The following ZSCAN30 variants were observed in gnomAD, a reference collection of about 807,000 sequenced individuals.
ZSCAN30 encodes the protein zinc finger and SCAN domain containing 30.
In ZSCAN30, 37 loss-of-function variants were observed where a neutral mutation model predicts 44.3. That is an observed-to-expected ratio of 0.84 (90% confidence interval 0.64 to 1.10). The LOEUF is 1.10. Among genes scored for constraint, ZSCAN30 ranks in the 50% least tolerant of loss-of-function variants. The pLI is 0.00. For synonymous variants in ZSCAN30, 181 were observed against 204.6 expected, an observed-to-expected ratio of 0.88 and a Z score of 0.98; for missense variants, 549 against 582.6, an observed-to-expected ratio of 0.94 and a Z score of 0.59.
rs2143672007 is a variant in ZSCAN30, at chr18:35,257,603, GAAGT to G, written c.554-3226_554-3223del. ...AACTTCTCAGCCTCCAGAACTGTGAGAAGTAAATCCGTGTTGTTTACAAGCCACT... is the reference window on the plus strand; with the variant it reads ...AACTTCTCAGCCTCCAGAACTGTGAGAAATCCGTGTTGTTTACAAGCCACT... On this transcript the variant is annotated intron_variant, in intron 3 of 3. Coordinates refer to ENST00000333206, the MANE Select transcript of ZSCAN30 (RefSeq NM_001112734.4). The G allele has an allele frequency of 1.2e-5, 4 of 344,620 alleles. No individual in the cohort carries two copies. In the South Asian group the frequency reaches 1.8e-4, roughly 16 times the overall value. 21.3% of individuals were successfully genotyped at this position (344,620 alleles called of 1,614,324 possible).
At chr18:35,270,584 TTTTA>T (rs1428647548) in intron 1 of ZSCAN30, among the ~76,000 whole-genome samples, 2 of 152,228 alleles carry the variant, frequency 1.3e-5, no homozygotes, top group East Asian at 1.9e-4. Context: ...ACATCCATTA[TTTTA>T]TTTATTTTTT....
intron 1 of ZSCAN30, among the ~76,000 whole-genome samples, chr18:35,286,146 C>G (rs977076228): frequency 1.4e-4 from 22 of 152,052 alleles, no homozygotes; most frequent in Non-Finnish European, 2.5e-4. Context: ...AAATATATAA[C>G]CTGAATAGCA....
intron 3 of ZSCAN30, 159 bp from the exon 4 acceptor site, chr18:35,254,540 G>T: frequency 7.1e-7 from 1 of 1,411,528 alleles, no homozygotes; most frequent in Non-Finnish European, 9.6e-7. Context: ...GTGGCCTGGG[G>T]TAGCCAAATA....
rs936216937 is a variant in ZSCAN30 at position 35,253,691 on chromosome 18, C to T, written c.1244G>A (p.Cys415Tyr). 2 of 1,614,036 alleles carry T rather than the reference C, an allele frequency of 1.2e-6. No homozygotes were observed. Among genetic ancestry groups the T allele is most frequent in the African/African-American group, 2.7e-5 (2 of 74,926 alleles). The change falls in exon 4 of 4, where the codon TGT becomes TAT. Residue 415 changes from cysteine (C) to tyrosine (Y), a missense_variant. By Grantham distance (194) the Cys-to-Tyr change is radical (BLOSUM62 -2). Coordinates refer to ENST00000333206, the MANE Select transcript of ZSCAN30 (RefSeq NM_001112734.4). Reference protein sequence around the residue: ...KIHTGDKSYECIACGKAFGRS... With the variant: ...KIHTGDKSYEYIACGKAFGRS... The stretch of plus-strand genomic sequence containing the variant: ...ACCAAAAGCCTTACCACATGCAATA[C>T]ATTCATAGCTTTTATCTCCAGTGTG...
chr18:35,271,256 AGCTGATTGGTCCGTTTTATAGAGT>A (rs1443588324), intron 1 of ZSCAN30, among the ~76,000 whole-genome samples: 1 of 152,120 alleles, frequency 6.6e-6, no homozygotes, highest in African/African-American at 2.4e-5. Context: ...TTTTACAGAG[AGCTGATTGGTCCGTTTTATAGAGT>A]GCTGATTGGT....
In ZSCAN30 at chr18:35,253,733, A is replaced by G. The variant is rs772453484; in HGVS notation, c.1202T>C (p.Ile401Thr). ...TCCAGTGTGAATTTTCTTATGCTGA[A>G]TAAGGGCTGAGCTCCGGCTGAAGGC... ...GKAFSRSSAL[I>T]QHKKIHTGDK... is the part of the protein sequence containing the mutation. Residue 401 changes from isoleucine (I) to threonine (T), a missense_variant, in exon 4 of 4, where the codon ATT becomes ACT. By Grantham distance (89) the Ile-to-Thr change is moderately conservative. Transcript: ENST00000333206. The G allele has an allele frequency of 1.9e-6, 3 of 1,614,148 alleles. No homozygotes were observed. The highest frequency in any genetic ancestry group is 4.5e-5 in the East Asian group (2 of 44,882).
chr18:35,286,754 C>T (rs2044559020), intron 1 of ZSCAN30, among the ~76,000 whole-genome samples: 1 of 152,128 alleles, frequency 6.6e-6, no homozygotes. Context: ...CCCCTTTCTT[C>T]ATTTCTACCG....
chr18:35,253,313 G>A lies in ZSCAN30; in HGVS notation c.*137C>T, dbSNP rs1166412384. ...CAATAATCATAACAAACATCTTTGT[G>A]TGCATGTCTTCTTATAGTACCGAAC... On this transcript the variant is annotated 3_prime_UTR_variant, in exon 4 of 4. Coordinates refer to ENST00000333206, the MANE Select transcript of ZSCAN30 (RefSeq NM_001112734.4). 1 of 605,526 alleles carries A rather than the reference G, an allele frequency of 1.7e-6. No homozygotes were observed. Among genetic ancestry groups the A allele is most frequent in the African/African-American group, 1.8e-5 (1 of 54,120 alleles). 37.5% of individuals were successfully genotyped at this position (605,526 alleles called of 1,614,324 possible).
intron 1 of ZSCAN30, chr18:35,289,779 G>A (rs2044620702): frequency 6.6e-6 from 1 of 152,170 alleles, no homozygotes. Flanking sequence ...TTCTTGGGCA[G>A]TGGTTCTCAA....
intron 3 of ZSCAN30, chr18:35,258,055 A>G: frequency 1.3e-6 from 1 of 774,420 alleles, no homozygotes; most frequent in East Asian, 2.4e-5. Flanking sequence ...TCAAGGTTGT[A>G]AAAATGGCAT....
rs1314424286 is a variant in ZSCAN30 at position 35,280,207 on chromosome 18, T to C, written c.-104+9877A>G. On this transcript the variant is annotated intron_variant, in intron 1 of 3. Transcript: ENST00000333206. ...GGGAGGATCACTTAAGCCCAGGAGG[T>C]TGAGGCTGCAGTGAGCTGTGATCAC... Among the ~76,000 whole-genome samples the C allele has an allele frequency of 2.1e-5, 3 of 144,246 alleles. 1 individual carries two copies. Among genetic ancestry groups the C allele is most frequent in the South Asian group, 4.4e-4 (2 of 4,498 alleles). The allele number at this position is 144,246 out of a possible 152,430, so 94.6% of individuals were successfully genotyped here.
At position 35,253,681 on chromosome 18, in the gene ZSCAN30, A is replaced by G; in HGVS notation, c.1254T>C (p.Cys418=). 1.2e-6 allele frequency: 2 copies of G among 1,614,160 alleles called. No homozygotes were observed. The highest frequency in any genetic ancestry group is 2.2e-5 in the East Asian group (1 of 44,876). Residue 418 remains cysteine, a synonymous_variant, in exon 4 of 4, where the codon TGT becomes TGC. Coordinates refer to ENST00000333206, the MANE Select transcript of ZSCAN30 (RefSeq NM_001112734.4). The part of the protein sequence containing the change: ...TGDKSYECIA[C]GKAFGRSSIL... The stretch of plus-strand genomic sequence containing the variant: ...TAGAACTCCTACCAAAAGCCTTACC[A>G]CATGCAATACATTCATAGCTTTTAT...
At chr18:35,264,727 A>C (rs961786964) in intron 1 of ZSCAN30, among the ~76,000 whole-genome samples, 2 of 152,218 alleles carry the variant, frequency 1.3e-5, no homozygotes, top group African/African-American at 4.8e-5. Context: ...GATTATAGAG[A>C]GCAAGAAAAG....
chr18:35,276,378 T>C (rs1055001289), intron 1 of ZSCAN30, among the ~76,000 whole-genome samples: 2 of 152,200 alleles, frequency 1.3e-5, no homozygotes, highest in Non-Finnish European at 2.9e-5. Context: ...CAGTTTTCTG[T>C]CTGCAGGGCA....
At chr18:35,256,210 A>T (rs1224955832) in intron 3 of ZSCAN30, 1 of 152,428 alleles carries the variant, frequency 6.6e-6, no homozygotes, top group African/African-American at 2.4e-5. Flanking sequence ...TATTATATTT[A>T]AAAAGTTGGA....
In ZSCAN30 at chr18:35,253,785, G is replaced by T. The variant is rs1049989532; in HGVS notation, c.1150C>A (p.Pro384Thr). 3.7e-6 allele frequency: 6 copies of T among 1,614,046 alleles called. No individual in the cohort carries two copies. The African/African-American group carries it at 6.7e-5, about 18-fold the overall frequency. ...RHRRIHTGEKPYECGECGKAF... is the reference protein window; with the variant it reads ...RHRRIHTGEKTYECGECGKAF... Reference sequence around the variant, plus strand: ...TTCCCACATTCTCCACATTCATAAGGCTTCTCTCCAGTGTGGATTCTCCGA... The same window carrying T: ...TTCCCACATTCTCCACATTCATAAGTCTTCTCTCCAGTGTGGATTCTCCGA... The change falls in exon 4 of 4, where the codon CCT (proline) becomes ACT (threonine). Residue 384 changes from proline (P) to threonine (T), a missense_variant. Physicochemically the swap from Pro to Thr is conservative, Grantham distance 38. Transcript: ENST00000333206.
intron 1 of ZSCAN30, among the ~76,000 whole-genome samples, chr18:35,271,104 T>G (rs992824668): frequency 6.6e-6 from 1 of 151,840 alleles, no homozygotes; most frequent in Non-Finnish European, 1.5e-5. Flanking sequence ...ACCCAAAGAG[T>G]GAACAGCAGC....
intron 3 of ZSCAN30, 198 bp downstream of exon 3, chr18:35,263,315 A>C (rs2044068168): frequency 6.7e-6 from 4 of 599,260 alleles, no homozygotes; most frequent in Non-Finnish European, 1.1e-5. Context: ...TAAAGACTTT[A>C]ATTCTTAACC....
At chr18:35,262,105 A>C (rs193079257) in intron 3 of ZSCAN30, 4 of 152,272 alleles carry the variant, frequency 2.6e-5, no homozygotes, top group Non-Finnish European at 1.5e-5. Flanking sequence ...AAATAGATTT[A>C]TCTCTTGGGG....
Sources: allele counts gnomAD v4.1 joint callset (sites outside exome capture counted in the v4.1 genomes callset), GRCh38; gene constraint gnomAD v4.1.1; transcripts MANE v1.5; gene names NCBI Gene and HGNC (gene_info 2026-07-23, HGNC 2026-07-21).